The following TBCK variants were observed in gnomAD, a reference collection of about 807,000 sequenced individuals.
The protein encoded by TBCK is TBC1 domain containing kinase.
In TBCK, 99 loss-of-function variants were observed where a neutral mutation model predicts 113.4. The observed-to-expected ratio is 0.87, with a 90% CI of 0.74 to 1.03. The LOEUF is 1.03. Ranked by LOEUF, TBCK falls within the 50% of genes least tolerant of loss-of-function variation. TBCK has a pLI of 0.00. For missense variants in TBCK, 1,045 were observed against 1,061.3 expected (o/e 0.98, Z 0.21); for synonymous variants, 369 against 370.8 (o/e 1.00, Z 0.05).
At chr4:106,310,044 T>C (rs754569038) in intron 1 of TBCK, 1 of 152,162 alleles carries the variant, frequency 6.6e-6, no homozygotes, top group Non-Finnish European at 1.5e-5. Context: ...AAGGGTCTTC[T>C]GACACAAAAA....
intron 5 of TBCK, 26 bp from the exon 6 acceptor site, chr4:106,252,033 A>G (rs901032269): frequency 6.4e-7 from 1 of 1,564,724 alleles, no homozygotes. Flanking sequence ...AAAATAATGA[A>G]AAATTACAAC....
chr4:106,204,740 GACAA>G (rs990800209), intron 20 of TBCK, among the ~76,000 whole-genome samples: 7 of 141,486 alleles, frequency 4.9e-5, no homozygotes, highest in East Asian at 4.2e-4. Context: ...AAGAATGACA[GACAA>G]ACAATGATTT....
chr4:106,089,249 TAAC>T (rs1373792849), intron 25 of TBCK, among the ~76,000 whole-genome samples: 1 of 151,886 alleles, frequency 6.6e-6, no homozygotes, highest in East Asian at 1.9e-4. Context: ...TCAACTCTCA[TAAC>T]AACTCTCACA....
intron 1 of TBCK, chr4:106,310,280 G>A (rs112221195): frequency 1.8e-4 from 28 of 152,218 alleles, no homozygotes; most frequent in Admixed American, 3.9e-4. Context: ...CTAGAAACTT[G>A]TACAAAACAA....
intron 5 of TBCK, among the ~76,000 whole-genome samples, chr4:106,258,826 T>C (rs976145465): frequency 6.6e-5 from 10 of 152,052 alleles, no homozygotes; most frequent in East Asian, 1.9e-4. Context: ...TAAAAACTTA[T>C]ATTCAACTAT....
At position 106,308,645 on chromosome 4, in the gene TBCK, G is replaced by C. The variant is rs1299511708; in HGVS notation, c.193+123C>G. 3 of 860,732 alleles carry C rather than the reference G, an allele frequency of 3.5e-6. 1 individual carries two copies. The South Asian group carries it at 5.6e-5, about 16-fold the overall frequency. The allele number at this position is 860,732 out of a possible 1,614,324, so 53.3% of individuals were successfully genotyped here. A position where few individuals can be genotyped will look rare whatever the true frequency, so the allele number is the denominator to read the frequency against. On this transcript the variant is annotated intron_variant, in intron 2 of 25. Transcript: ENST00000394708. ...GAGGCAGGGTGGGGGAAAAGGATGAGAGAAAGAAGGACATGTGTGCACTGG... is the reference window on the plus strand; with the variant it reads ...GAGGCAGGGTGGGGGAAAAGGATGACAGAAAGAAGGACATGTGTGCACTGG...
intron 1 of TBCK, among the ~76,000 whole-genome samples, chr4:106,312,536 AT>A (rs1268503020): frequency 1.3e-5 from 2 of 152,166 alleles, no homozygotes; most frequent in African/African-American, 4.8e-5. Flanking sequence ...TTTGGAAAAT[AT>A]TTGGAAAACT....
At chr4:106,147,866 T>A (rs1748002399) in intron 23 of TBCK, among the ~76,000 whole-genome samples, 1 of 152,210 alleles carries the variant, frequency 6.6e-6, no homozygotes, top group African/African-American at 2.4e-5. Flanking sequence ...CAGAGTCATA[T>A]TTCTCTTCTT....
At chr4:106,255,962 C>T (rs969083526) in intron 5 of TBCK, among the ~76,000 whole-genome samples, 1 of 152,164 alleles carries the variant, frequency 6.6e-6, no homozygotes, top group Non-Finnish European at 1.5e-5. Flanking sequence ...GATAGCTTTT[C>T]CCCTCAGGTG....
At chr4:106,190,003 C>T (rs958837168) in intron 22 of TBCK, among the ~76,000 whole-genome samples, 1 of 152,162 alleles carries the variant, frequency 6.6e-6, no homozygotes, top group African/African-American at 2.4e-5. Context: ...GTATCATTTA[C>T]TTAAGAAAAA....
chr4:106,204,262 A>G (rs1283537878), intron 20 of TBCK, among the ~76,000 whole-genome samples: 6 of 152,226 alleles, frequency 3.9e-5, no homozygotes, highest in South Asian at 2.1e-4. Context: ...AAAATAGATT[A>G]TGTAATTAGT....
intron 1 of TBCK, among the ~76,000 whole-genome samples, chr4:106,312,497 C>A (rs1768310229): frequency 6.6e-6 from 1 of 152,054 alleles, no homozygotes; most frequent in African/African-American, 2.4e-5. Flanking sequence ...TGCTATATTG[C>A]TAGTGGGAGC....
chr4:106,258,266 A>G (rs1762190816), intron 5 of TBCK, among the ~76,000 whole-genome samples: 1 of 151,998 alleles, frequency 6.6e-6, no homozygotes, highest in African/African-American at 2.4e-5. Context: ...TTGATGTTTT[A>G]ATAAGGTATT....
intron 22 of TBCK, among the ~76,000 whole-genome samples, chr4:106,173,360 A>T: frequency 6.6e-6 from 1 of 152,318 alleles, no homozygotes; most frequent in East Asian, 1.9e-4. Context: ...TCAAATAGTT[A>T]AGATAAAAAT....
At chr4:106,198,441 G>C (rs1453336223) in intron 20 of TBCK, among the ~76,000 whole-genome samples, 2 of 152,032 alleles carry the variant, frequency 1.3e-5, no homozygotes, top group African/African-American at 2.4e-5. Flanking sequence ...GATTTACTAT[G>C]ATCTGAACAC....
chr4:106,134,323 C>G (rs528656359), intron 23 of TBCK, among the ~76,000 whole-genome samples: 2 of 151,832 alleles, frequency 1.3e-5, no homozygotes, highest in Admixed American at 6.6e-5. Flanking sequence ...ATAATAGCAT[C>G]CTGCACAGAG....
At chr4:106,105,071 C>T (rs539260419) in intron 24 of TBCK, among the ~76,000 whole-genome samples, 1 of 152,340 alleles carries the variant, frequency 6.6e-6, no homozygotes, top group South Asian at 2.1e-4. Flanking sequence ...AGCCTCTCTG[C>T]CACTGTCTCT....
chr4:106,046,556 A>G lies in TBCK; in HGVS notation c.*14T>C. On this transcript the variant is annotated 3_prime_UTR_variant, in exon 26 of 26. Coordinates refer to ENST00000394708, the MANE Select transcript of TBCK (RefSeq NM_001163435.3). ...GATGCCACACTAAGTTTTGGCAGTC[A>G]CACTCTTGGTTCTTCATATTTGAGG... 7.4e-6 allele frequency: 11 copies of G among 1,484,818 alleles called. No individual in the cohort carries two copies. Among genetic ancestry groups the G allele is most frequent in the Non-Finnish European group, 1.0e-5 (11 of 1,064,024 alleles). The allele number at this position is 1,484,818 out of a possible 1,614,324, so 92.0% of individuals were successfully genotyped here.
chr4:106,281,202 T>C (rs1764553374), intron 3 of TBCK, among the ~76,000 whole-genome samples: 1 of 152,122 alleles, frequency 6.6e-6, no homozygotes, highest in African/African-American at 2.4e-5. Flanking sequence ...TCTTGATTTC[T>C]TTTTCAGCTT....
Sources: allele counts gnomAD v4.1 joint callset (sites outside exome capture counted in the v4.1 genomes callset), GRCh38; gene constraint gnomAD v4.1.1; transcripts MANE v1.5; gene names NCBI Gene and HGNC (gene_info 2026-07-23, HGNC 2026-07-21).